Variants in ERC1 observed in about 807,000 individuals in gnomAD.
ERC1 encodes RAB6 interacting protein 2.
A neutral mutation model predicts 132.0 loss-of-function variants in ERC1; 56 were observed. The ratio of observed to expected loss-of-function variants is 0.42; its 90% CI spans 0.34 to 0.53. The LOEUF (loss-of-function observed/expected upper bound fraction) is 0.53. Ranked by LOEUF, ERC1 falls within the 20% of genes least tolerant of loss-of-function variation. ERC1 has a pLI of 0.03. For synonymous variants in ERC1, 478 were observed against 476.1 expected (o/e 1.00, Z -0.05); for missense variants, 1,202 against 1,349.9 (o/e 0.89, Z 1.72).
At position 1,012,940 on chromosome 12, in the gene ERC1, G is replaced by T. The variant is rs534233599; in HGVS notation, c.-156-14808G>T. ...CTTTGGGATTACTGACCCAGTCCAG[G>T]TCTGGTTTTACTATCATATTAGTTA... On this transcript the variant is annotated intron_variant, in intron 1 of 18. Coordinates refer to ENST00000360905, the MANE Select transcript of ERC1 (RefSeq NM_178040.4). Among the ~76,000 whole-genome samples the T allele has an allele frequency of 2.6e-5, 4 of 152,208 alleles. No individual in the cohort carries two copies. The South Asian group carries it at 8.3e-4, about 32-fold the overall frequency.
chr12:1,293,407 C>G lies in ERC1; in HGVS notation c.2780+3395C>G, dbSNP rs1395525543. Among the ~76,000 whole-genome samples the G allele has an allele frequency of 4.0e-5, 5 of 124,534 alleles. 1 individual carries two copies. The East Asian group carries it at 1.1e-3, about 27-fold the overall frequency. 81.7% of individuals were successfully genotyped at this position (124,534 alleles called of 152,430 possible). A position where few individuals can be genotyped will look rare whatever the true frequency, so the allele number is the denominator to read the frequency against. On this transcript the variant is annotated intron_variant, in intron 15 of 18. Transcript: ENST00000360905. The stretch of plus-strand genomic sequence containing the variant: ...GGCGGAGCTTGCAGTGAGCTGAGAT[C>G]GTGCCACTGCACTCCAGCCTGGGCG...
In ERC1 at chr12:1,190,226, T is replaced by C. The variant is rs200697449; in HGVS notation, c.2351+174T>C. 513 of 749,844 alleles carry C rather than the reference T, an allele frequency of 6.8e-4. 6 individuals carry two copies. The highest frequency in any genetic ancestry group is 2.9e-3 in the South Asian group (217 of 73,618). The allele number at this position is 749,844 out of a possible 1,614,324, so 46.4% of individuals were successfully genotyped here. A position where few individuals can be genotyped will look rare whatever the true frequency, so the allele number is the denominator to read the frequency against. ...CAGTTGTACGTTCTTTGTTGAGGTG[T>C]CTGAAAGGCAACATAGAATGGGAAT... On this transcript the variant is annotated intron_variant, in intron 12 of 18. Transcript: ENST00000360905.
intron 15 of ERC1, among the ~76,000 whole-genome samples, chr12:1,318,984 G>T (rs1275743919): frequency 6.6e-6 from 1 of 152,134 alleles, no homozygotes; most frequent in Admixed American, 6.5e-5. Flanking sequence ...TTTTGAAGAA[G>T]AGGTTATGGA....
At position 1,419,668 on chromosome 12, in the gene ERC1, G is replaced by A. The variant is rs570065456; in HGVS notation, c.3024+11421G>A. On this transcript the variant is annotated intron_variant, in intron 17 of 18. Transcript: ENST00000360905. ...AAAGTAATGGAGGAAATGAGGAATT[G>A]TCGTTTAGTGGATATAGAGTTTTAG... Among the ~76,000 whole-genome samples the A allele has an allele frequency of 7.9e-5, 12 of 151,968 alleles. No homozygotes were observed. In the East Asian group the frequency reaches 1.9e-3, roughly 24 times the overall value.
chr12:1,032,329 A>G lies in ERC1; in HGVS notation c.669+3757A>G, dbSNP rs1592816706. On this transcript the variant is annotated intron_variant, in intron 2 of 18. Coordinates refer to ENST00000360905, the MANE Select transcript of ERC1 (RefSeq NM_178040.4). Reference sequence around the variant, plus strand: ...CTCCCAAAGTGCTGGGATTATAGGCAGGAGCCACTGCGCCGGGTGTAAATC... The same window carrying G: ...CTCCCAAAGTGCTGGGATTATAGGCGGGAGCCACTGCGCCGGGTGTAAATC... 2.6e-5 allele frequency among the ~76,000 whole-genome samples: 4 copies of G among 152,302 alleles called. 1 individual carries two copies. Among genetic ancestry groups the G allele is most frequent in the Admixed American group, 2.6e-4 (4 of 15,278 alleles).
chr12:1,044,601 G>A (rs1970788718), intron 2 of ERC1, among the ~76,000 whole-genome samples: 1 of 152,128 alleles, frequency 6.6e-6, no homozygotes, highest in Non-Finnish European at 1.5e-5. Flanking sequence ...TAGGTATGCA[G>A]ATAAAAGTTG....
chr12:1,309,307 TG>T (rs2081117082), intron 15 of ERC1, among the ~76,000 whole-genome samples: 1 of 152,208 alleles, frequency 6.6e-6, no homozygotes, highest in Admixed American at 6.5e-5. Flanking sequence ...CTGACAGCAC[TG>T]TGTTTCTCAA....
intron 12 of ERC1, among the ~76,000 whole-genome samples, chr12:1,214,823 A>G (rs1048989151): frequency 1.2e-4 from 19 of 152,160 alleles, no homozygotes; most frequent in Non-Finnish European, 2.5e-4. Flanking sequence ...AGAGATGGGC[A>G]TTATTCCCAT....
rs148165113 is a variant in ERC1, at chr12:1,449,941, CTGTGGTT to C, written c.3213+5193_3213+5199del. 3.0e-3 allele frequency among the ~76,000 whole-genome samples: 460 copies of C among 151,972 alleles called. 2 individuals carry two copies. The highest frequency in any genetic ancestry group is 0.011 in the African/African-American group (443 of 41,448). On this transcript the variant is annotated intron_variant, in intron 18 of 18. Transcript: ENST00000360905. ...TCCCCACCCCTTTTAAGTGATTACTCTGTGGTTTACAGTGTACAGTTTTACCTTATCA... is the reference window on the plus strand; with the variant it reads ...TCCCCACCCCTTTTAAGTGATTACTCTACAGTGTACAGTTTTACCTTATCA...
chr12:1,346,940 C>T (rs2084526456), intron 15 of ERC1, among the ~76,000 whole-genome samples: 1 of 55,338 alleles, frequency 1.8e-5, no homozygotes, highest in African/African-American at 9.4e-5. Flanking sequence ...CAGAGCGAGA[C>T]TCCGTCTCAA....
At chr12:1,469,554 CTG>C (rs1592245244) in intron 18 of ERC1, among the ~76,000 whole-genome samples, 1 of 152,236 alleles carries the variant, frequency 6.6e-6, no homozygotes, top group South Asian at 2.1e-4. Flanking sequence ...TGGGAATAAA[CTG>C]TGTGAAGCCA....
intron 16 of ERC1, among the ~76,000 whole-genome samples, chr12:1,396,341 T>C (rs1043634374): frequency 5.3e-5 from 8 of 152,198 alleles, no homozygotes; most frequent in African/African-American, 1.9e-4. Context: ...TCGTCCTTAA[T>C]CGTAGGAAAG....
At chr12:1,126,866 T>C (rs1948218257) in intron 7 of ERC1, among the ~76,000 whole-genome samples, 1 of 151,874 alleles carries the variant, frequency 6.6e-6, no homozygotes, top group African/African-American at 2.4e-5. Context: ...CACGTGCCTG[T>C]AGTCCCAGCT....
chr12:1,450,300 C>T (rs188047564), intron 18 of ERC1, among the ~76,000 whole-genome samples: 1 of 152,310 alleles, frequency 6.6e-6, no homozygotes, highest in Non-Finnish European at 1.5e-5. Context: ...AACTGAAACG[C>T]CATACCTGTT....
chr12:1,291,139 G>A (rs992369080), intron 15 of ERC1, among the ~76,000 whole-genome samples: 33 of 152,220 alleles, frequency 2.2e-4, no homozygotes, highest in African/African-American at 8.0e-4. Flanking sequence ...TGATGATTGT[G>A]ATATTGTGAC....
chr12:1,439,840 A>G (rs997362804), intron 17 of ERC1, among the ~76,000 whole-genome samples: 7 of 152,228 alleles, frequency 4.6e-5, no homozygotes, highest in Non-Finnish European at 1.0e-4. Flanking sequence ...AGGCAGTGGC[A>G]GTTCTACCTT....
chr12:1,488,879 C>T (rs983583079), intron 18 of ERC1, among the ~76,000 whole-genome samples: 1 of 152,200 alleles, frequency 6.6e-6, no homozygotes, highest in Non-Finnish European at 1.5e-5. Context: ...TTCCACGTCC[C>T]TGGCCCTCCC....
chr12:1,149,000 G>A (rs1950613523), intron 8 of ERC1, among the ~76,000 whole-genome samples: 1 of 152,148 alleles, frequency 6.6e-6, no homozygotes, highest in Admixed American at 6.5e-5. Flanking sequence ...ACTGTATTAA[G>A]GTGGTCAGAA....
chr12:1,467,299 T>A (rs1020206783), intron 18 of ERC1, among the ~76,000 whole-genome samples: 2 of 152,178 alleles, frequency 1.3e-5, no homozygotes, highest in Non-Finnish European at 2.9e-5. Flanking sequence ...TCTGAGGCAC[T>A]GCCTTTCTAA....
Sources: allele counts gnomAD v4.1 joint callset (sites outside exome capture counted in the v4.1 genomes callset), GRCh38; gene constraint gnomAD v4.1.1; transcripts MANE v1.5; gene names NCBI Gene and HGNC (gene_info 2026-07-23, HGNC 2026-07-21).